The following DCAF8L2 variants were observed in gnomAD, a reference collection of about 807,000 sequenced individuals.
The protein encoded by DCAF8L2 is DDB1- and CUL4-associated factor 8-like protein 2.
For synonymous variants in DCAF8L2, 200 were observed against 190.9 expected (o/e 1.05, Z -0.39); for missense variants, 430 against 490.7 (o/e 0.88, Z 1.17).
chrX:27,573,237 C>CTA, the DCAF8L2 span, among the ~76,000 whole-genome samples: 2 of 92,132 alleles, frequency 2.2e-5, no homozygotes, highest in African/African-American at 8.6e-5. Context: ...TAAGAAATCT[C>CTA]TCTCTCTCTC....
At chrX:27,632,707 C>G (rs984919043) in intron 2 of DCAF8L2, 1 of 111,725 alleles carries the variant, frequency 9.0e-6, no homozygotes, top group Non-Finnish European at 1.9e-5. Flanking sequence ...AAGATGCCTA[C>G]TCCTGACCAC....
At chrX:27,512,076 C>A in the DCAF8L2 span, among the ~76,000 whole-genome samples, 1 of 109,286 alleles carries the variant, frequency 9.2e-6, no homozygotes, top group Non-Finnish European at 1.9e-5. Flanking sequence ...CCAACCTGGG[C>A]AACATGAGAC....
the DCAF8L2 span, among the ~76,000 whole-genome samples, chrX:27,553,319 A>T: frequency 1.8e-5 from 2 of 111,481 alleles, no homozygotes; most frequent in African/African-American, 6.5e-5. Flanking sequence ...ATTCTCTATC[A>T]AGATGATCTG....
the DCAF8L2 span, among the ~76,000 whole-genome samples, chrX:27,496,164 C>T: frequency 9.0e-6 from 1 of 111,364 alleles, no homozygotes; most frequent in Non-Finnish European, 1.9e-5. Context: ...CCTTCTCATG[C>T]TATTGACAAT....
chrX:27,673,056 TAC>T (rs1312412420), intron 2 of DCAF8L2, among the ~76,000 whole-genome samples: 1 of 110,330 alleles, frequency 9.1e-6, no homozygotes, highest in African/African-American at 3.3e-5. Flanking sequence ...ACCACACACA[TAC>T]ACACACACAA....
the DCAF8L2 span, among the ~76,000 whole-genome samples, chrX:27,584,506 T>TAA: frequency 8.3e-3 from 889 of 106,860 alleles, 14 homozygotes; most frequent in African/African-American, 0.028. Context: ...ATCCCATATT[T>TAA]AAAAAAAACA....
At chrX:27,492,267 A>G in the DCAF8L2 span, among the ~76,000 whole-genome samples, 1 of 111,662 alleles carries the variant, frequency 9.0e-6, no homozygotes, top group East Asian at 2.8e-4. Flanking sequence ...GTGGATGCAT[A>G]CTCCATTGTA....
chrX:27,526,891 G>A, the DCAF8L2 span, among the ~76,000 whole-genome samples: 203 of 112,346 alleles, frequency 1.8e-3, no homozygotes, highest in African/African-American at 4.9e-3. Flanking sequence ...TGGAAGCTTC[G>A]TCTCAGAGGG....
intron 1 of DCAF8L2, among the ~76,000 whole-genome samples, chrX:27,608,425 T>C (rs955536543): frequency 1.8e-5 from 2 of 112,116 alleles, no homozygotes; most frequent in African/African-American, 6.5e-5. Context: ...ATATTTATAC[T>C]GGTAAATAAT....
the DCAF8L2 span, among the ~76,000 whole-genome samples, chrX:27,497,322 A>G: frequency 9.0e-6 from 1 of 111,401 alleles, no homozygotes; most frequent in Non-Finnish European, 1.9e-5. Context: ...ACATAAAATA[A>G]ACTGTACCTT....
chrX:27,474,133 C>T, the DCAF8L2 span, among the ~76,000 whole-genome samples: 1 of 110,962 alleles, frequency 9.0e-6, no homozygotes, highest in Non-Finnish European at 1.9e-5. Flanking sequence ...AAGCAATTAT[C>T]CCCACGCAGA....
At chrX:27,585,553 G>A (rs147049163), upstream of DCAF8L2, among the ~76,000 whole-genome samples, 115 of 112,182 alleles carry the variant, frequency 1.0e-3, no homozygotes, top group African/African-American at 3.5e-3. Context: ...AAAATCACAA[G>A]TGCTGAACCC....
chrX:27,533,192 A>G, the DCAF8L2 span, among the ~76,000 whole-genome samples: 4,047 of 20,592 alleles, frequency 0.2, 531 homozygotes, highest in East Asian at 0.4. Context: ...GAAAGAAAGA[A>G]AGAAAGAAAG....
the DCAF8L2 span, among the ~76,000 whole-genome samples, chrX:27,566,522 A>C: frequency 9.0e-6 from 1 of 110,757 alleles, no homozygotes; most frequent in Non-Finnish European, 1.9e-5. Context: ...AGTTGTTGGC[A>C]TATAATTATT....
chrX:27,702,193 T>C (rs1931152128), intron 3 of DCAF8L2, among the ~76,000 whole-genome samples: 1 of 110,553 alleles, frequency 9.0e-6, no homozygotes, highest in South Asian at 3.7e-4. Context: ...AGTAAAGAGA[T>C]TGAATTAGTA....
chrX:27,547,041 T>C, the DCAF8L2 span, among the ~76,000 whole-genome samples: 1 of 112,338 alleles, frequency 8.9e-6, no homozygotes, highest in Non-Finnish European at 1.9e-5. Context: ...TCCAAACTTT[T>C]ATGCTGTGCT....
chrX:27,571,748 G>T, the DCAF8L2 span, among the ~76,000 whole-genome samples: 1 of 111,251 alleles, frequency 9.0e-6, no homozygotes, highest in African/African-American at 3.3e-5. Flanking sequence ...GTCCAGAGCT[G>T]CCATAATAAG....
rs1161618807 is a variant in DCAF8L2 at position 27,749,471 on chromosome X, A to G, written c.*680A>G. On this transcript the variant is annotated 3_prime_UTR_variant, in exon 5 of 5. Transcript: ENST00000451261. ...ATAATTCATCTCCTTAGAATAAATA[A>G]CGTGGGATTGCCTACATTTTCTGAA... Among the ~76,000 whole-genome samples the G allele has an allele frequency of 8.9e-6, 1 of 112,244 alleles. No individual in the cohort carries two copies. The highest frequency in any genetic ancestry group is 2.8e-4 in the East Asian group (1 of 3,609).
chrX:27,501,224 C>T, the DCAF8L2 span, among the ~76,000 whole-genome samples: 1 of 103,259 alleles, frequency 9.7e-6, no homozygotes, highest in African/African-American at 3.5e-5. Context: ...CCCACAGCTC[C>T]TCGTCCTACC....
Sources: gnomAD v4.1 joint callset for allele counts (sites outside exome capture counted in the v4.1 genomes callset) on GRCh38, gnomAD v4.1.1 for gene constraint, MANE v1.5 for transcripts, NCBI Gene and HGNC (gene_info 2026-07-23, HGNC 2026-07-21) for gene names.